DPP10: variants seen among roughly 807,000 people sequenced by gnomAD.
DPP10 encodes the protein dipeptidyl peptidase like 10, also known as inactive dipeptidyl peptidase 10.
DPP10 carries 33 observed loss-of-function variants against 120.9 expected under a neutral mutation model. The observed-to-expected ratio is 0.27, with a 90% CI of 0.21 to 0.37. DPP10 has a LOEUF of 0.37. DPP10 is among the 10% of genes least tolerant of loss of function. DPP10 has a pLI of 1.00. For missense variants in DPP10, 816 were observed against 942.8 expected (o/e 0.87, Z 1.76); for synonymous variants, 337 against 326.1 (o/e 1.03, Z -0.36).
intron 21 of DPP10, among the ~76,000 whole-genome samples, chr2:115,831,936 T>G (rs534997348): frequency 2.6e-4 from 40 of 152,286 alleles, no homozygotes; most frequent in Non-Finnish European, 1.3e-4. Context: ...CAGCCTACAC[T>G]GATGATGGAA....
At chr2:114,648,031 C>G (rs1381791567) in intron 1 of DPP10, among the ~76,000 whole-genome samples, 3 of 152,126 alleles carry the variant, frequency 2.0e-5, no homozygotes, top group Non-Finnish European at 2.9e-5. Context: ...AAATGTCTCC[C>G]TCCAGGGCAA....
chr2:115,280,861 G>T (rs1184324500), intron 1 of DPP10, among the ~76,000 whole-genome samples: 1 of 152,108 alleles, frequency 6.6e-6, no homozygotes, highest in Non-Finnish European at 1.5e-5. Flanking sequence ...TCTTTGTTCA[G>T]ATCTGATTTC....
chr2:114,612,492 C>T (rs1693358592), intron 1 of DPP10, among the ~76,000 whole-genome samples: 1 of 152,140 alleles, frequency 6.6e-6, no homozygotes, highest in African/African-American at 2.4e-5. Context: ...GGCAACATTT[C>T]AATGTTTCTT....
At chr2:115,767,147 G>T (rs1228289815) in intron 12 of DPP10, among the ~76,000 whole-genome samples, 1 of 152,106 alleles carries the variant, frequency 6.6e-6, no homozygotes, top group Non-Finnish European at 1.5e-5. Flanking sequence ...TCGGATTAGA[G>T]ACCTGAAAGA....
At chr2:115,280,132 A>G (rs2060098180) in intron 1 of DPP10, among the ~76,000 whole-genome samples, 1 of 152,190 alleles carries the variant, frequency 6.6e-6, no homozygotes, top group African/African-American at 2.4e-5. Context: ...TAATAGGTTG[A>G]AAGACATGTT....
At chr2:114,851,775 C>G (rs991211503) in intron 1 of DPP10, among the ~76,000 whole-genome samples, 1 of 152,172 alleles carries the variant, frequency 6.6e-6, no homozygotes, top group Non-Finnish European at 1.5e-5. Context: ...AAAAGCACAT[C>G]CTCATCTCCA....
intron 1 of DPP10, among the ~76,000 whole-genome samples, chr2:114,533,956 C>T (rs148081705): frequency 1.9e-4 from 29 of 152,276 alleles, no homozygotes; most frequent in African/African-American, 7.0e-4. Flanking sequence ...TGAAATATTA[C>T]AGTGGTAATT....
chr2:115,715,901 G>A (rs1409442405), intron 7 of DPP10, among the ~76,000 whole-genome samples: 3 of 152,162 alleles, frequency 2.0e-5, no homozygotes, highest in African/African-American at 7.2e-5. Flanking sequence ...CTACCTAGCT[G>A]TTCTGACCAA....
At chr2:115,822,831 G>A (rs999867988) in intron 21 of DPP10, among the ~76,000 whole-genome samples, 1 of 151,708 alleles carries the variant, frequency 6.6e-6, no homozygotes, top group Non-Finnish European at 1.5e-5. Context: ...TTTTCTTGGT[G>A]CCTTTTGGTA....
intron 1 of DPP10, among the ~76,000 whole-genome samples, chr2:114,760,672 G>A (rs1224110369): frequency 6.6e-6 from 1 of 152,024 alleles, no homozygotes; most frequent in Non-Finnish European, 1.5e-5. Flanking sequence ...AGTAAATACA[G>A]TTATTTAACT....
At chr2:115,779,799 G>A (rs11891182) in intron 15 of DPP10, among the ~76,000 whole-genome samples, 69,040 of 151,454 alleles carry the variant, frequency 0.46, 17,668 homozygotes, top group East Asian at 0.67. Flanking sequence ...AAAAAAAATG[G>A]CTATGGATAT....
intron 1 of DPP10, among the ~76,000 whole-genome samples, chr2:114,698,100 C>T (rs1700173677): frequency 6.6e-6 from 1 of 151,870 alleles, no homozygotes; most frequent in Non-Finnish European, 1.5e-5. Flanking sequence ...AGATAGGTAC[C>T]CTTCTAAAAT....
rs13382424 is a variant in DPP10, at chr2:115,744,801, G to A, written c.853-1285G>A. Among the ~76,000 whole-genome samples, 319 of 150,406 alleles carry A rather than the reference G, an allele frequency of 2.1e-3. 6 individuals are homozygous for A. Among genetic ancestry groups the A allele is most frequent in the African/African-American group, 7.3e-3 (304 of 41,462 alleles). The stretch of plus-strand genomic sequence containing the variant: ...GCCAATTCCTTAAACATGGATCTTC[G>A]TCATTTTTAAATCAGTTTTATTCCC... On this transcript the variant is annotated intron_variant, in intron 9 of 25. Coordinates refer to ENST00000410059, the MANE Select transcript of DPP10 (RefSeq NM_020868.6).
intron 1 of DPP10, among the ~76,000 whole-genome samples, chr2:114,958,375 G>A (rs1221790764): frequency 1.3e-5 from 2 of 152,076 alleles, no homozygotes; most frequent in Admixed American, 1.3e-4. Context: ...AAATATAGAC[G>A]TACCGAGTCC....
At chr2:115,799,197 G>A (rs886153834) in intron 19 of DPP10, among the ~76,000 whole-genome samples, 6 of 152,002 alleles carry the variant, frequency 3.9e-5, no homozygotes, top group African/African-American at 1.4e-4. Flanking sequence ...CACTATGACA[G>A]TGCATTATAC....
chr2:115,002,889 G>A (rs1306749323), intron 1 of DPP10, among the ~76,000 whole-genome samples: 1 of 152,000 alleles, frequency 6.6e-6, no homozygotes, highest in Non-Finnish European at 1.5e-5. Context: ...ACAGAGGAAA[G>A]GGAATGCTTA....
At chr2:115,661,969 AC>A (rs2089017055) in intron 5 of DPP10, among the ~76,000 whole-genome samples, 2 of 152,178 alleles carry the variant, frequency 1.3e-5, no homozygotes, top group Non-Finnish European at 2.9e-5. Flanking sequence ...TCTAGAACTT[AC>A]CCATCTCACA....
chr2:115,557,311 A>T (rs745498048), intron 5 of DPP10, among the ~76,000 whole-genome samples: 5 of 152,174 alleles, frequency 3.3e-5, no homozygotes, highest in Non-Finnish European at 7.3e-5. Flanking sequence ...TTCAAAAAAC[A>T]TGATGAGAAA....
chr2:115,259,662 T>C (rs2059162232), intron 1 of DPP10, among the ~76,000 whole-genome samples: 1 of 152,180 alleles, frequency 6.6e-6, no homozygotes, highest in Non-Finnish European at 1.5e-5. Flanking sequence ...GAAATATTTA[T>C]AGTCTGTACC....
Sources: gnomAD v4.1 joint callset for allele counts (sites outside exome capture counted in the v4.1 genomes callset) on GRCh38, gnomAD v4.1.1 for gene constraint, MANE v1.5 for transcripts, NCBI Gene and HGNC (gene_info 2026-07-23, HGNC 2026-07-21) for gene names.